C11orf65: variants seen among roughly 807,000 people sequenced by gnomAD.
The protein encoded by C11orf65 is protein MFI.
Under a neutral mutation model 35.3 loss-of-function variants are expected in C11orf65, and 38 were observed. That is an observed-to-expected ratio of 1.08 (90% CI 0.83 to 1.41). The LOEUF (loss-of-function observed/expected upper bound fraction) is 1.41, where lower values mean the gene tolerates loss of function less well. C11orf65 is among the 40% of genes most tolerant of loss of function. The pLI is 0.00. For synonymous variants in C11orf65, 105 were observed against 114.4 expected, an observed-to-expected ratio of 0.92 and a Z score of 0.53; for missense variants, 370 against 367.1, an observed-to-expected ratio of 1.01 and a Z score of -0.06.
chr11:108,392,056 T>TTG (rs146638284), intron 7 of C11orf65, among the ~76,000 whole-genome samples: 107 of 150,352 alleles, frequency 7.1e-4, no homozygotes, highest in East Asian at 1.8e-3. Flanking sequence ...ACTTGGCTTT[T>TTG]TGTGTGTGTG....
intron 2 of C11orf65, chr11:108,367,222 C>T (rs1239964128): frequency 1.1e-5 from 2 of 178,510 alleles, no homozygotes; most frequent in East Asian, 9.3e-5. Flanking sequence ...CGCTTGACCT[C>T]GTGATCCACC....
At chr11:108,398,079 A>G (rs2092360783) in intron 6 of C11orf65, among the ~76,000 whole-genome samples, 1 of 152,200 alleles carries the variant, frequency 6.6e-6, no homozygotes, top group Admixed American at 6.5e-5. Context: ...TGAGCACCCT[A>G]GGGAGAGGAA....
chr11:108,463,512 G>C (rs1349358830), intron 1 of C11orf65, among the ~76,000 whole-genome samples: 1 of 152,124 alleles, frequency 6.6e-6, no homozygotes, highest in Non-Finnish European at 1.5e-5. Flanking sequence ...GGAGGCATGG[G>C]AAGACAGGTT....
At chr11:108,379,812 C>T (rs1353657546), downstream of C11orf65, among the ~76,000 whole-genome samples, 1 of 151,992 alleles carries the variant, frequency 6.6e-6, no homozygotes, top group Non-Finnish European at 1.5e-5. Context: ...TCTTACTCCT[C>T]AAGCAGGACT....
At chr11:108,382,696 C>A (rs561374950), downstream of C11orf65, 12 of 822,874 alleles carry the variant, frequency 1.5e-5, no homozygotes, top group East Asian at 1.2e-3. Context: ...AGAGCTCTGC[C>A]TTCCATGAAT....
At chr11:108,419,347 G>C (rs188416541) in intron 3 of C11orf65, among the ~76,000 whole-genome samples, 13 of 152,216 alleles carry the variant, frequency 8.5e-5, no homozygotes, top group Non-Finnish European at 1.8e-4. Flanking sequence ...AAGAAAAATT[G>C]TATCTCAATT....
At chr11:108,335,233 T>A (rs1044437019) in exon 3 of C11orf65, 3 of 1,556,542 alleles carry the variant, frequency 1.9e-6, no homozygotes, top group Non-Finnish European at 2.6e-6. Flanking sequence ...TGAGGAAGAT[T>A]TGTAGAGTAG....
intron 3 of C11orf65, among the ~76,000 whole-genome samples, chr11:108,427,916 C>T (rs1338413603): frequency 3.9e-5 from 5 of 129,354 alleles, no homozygotes; most frequent in East Asian, 4.6e-4. Flanking sequence ...CTGCAAGCTC[C>T]GCCTCCCGGG....
At chr11:108,321,498 A>C in intron 6 of C11orf65, 1 of 1,597,816 alleles carries the variant, frequency 6.3e-7, no homozygotes. Flanking sequence ...AATAAAAACT[A>C]TAGGCCGGGC....
chr11:108,314,410 T>A (rs1439445078), intron 6 of C11orf65, among the ~76,000 whole-genome samples: 2 of 152,076 alleles, frequency 1.3e-5, no homozygotes, highest in Non-Finnish European at 2.9e-5. Flanking sequence ...CCAGCCCATG[T>A]ACAGTTTTAG....
At chr11:108,328,904 T>C (rs1011622110), downstream of C11orf65, 19 of 1,120,326 alleles carry the variant, frequency 1.7e-5, no homozygotes, top group Admixed American at 2.4e-4. Context: ...TCATATAATT[T>C]AGCTAGCTTT....
chr11:108,328,675 C>A (rs1257646639), downstream of C11orf65, among the ~76,000 whole-genome samples: 1 of 152,178 alleles, frequency 6.6e-6, no homozygotes, highest in Non-Finnish European at 1.5e-5. Context: ...TCAGGGCTGT[C>A]CAATCTTTTG....
intron 6 of C11orf65, among the ~76,000 whole-genome samples, chr11:108,395,150 A>AAGGT (rs1411640090): frequency 2.0e-5 from 3 of 146,666 alleles, no homozygotes; most frequent in African/African-American, 7.5e-5. Context: ...AAAAAAAATC[A>AAGGT]TAACACTACT....
At chr11:108,433,346 G>A (rs984276201) in intron 2 of C11orf65, among the ~76,000 whole-genome samples, 8 of 151,500 alleles carry the variant, frequency 5.3e-5, no homozygotes. Flanking sequence ...GGGAGGCCAA[G>A]GTGGGTGGGA....
At chr11:108,430,897 AACACACACACACACACACACACAC>A (rs10588668) in intron 3 of C11orf65, among the ~76,000 whole-genome samples, 3 of 143,912 alleles carry the variant, frequency 2.1e-5, no homozygotes, top group East Asian at 4.2e-4. Flanking sequence ...AAGGATAGGG[AACACACACACACACACACACACAC>A]ACACACACAC....
At chr11:108,381,235 ACT>A (rs945100874), downstream of C11orf65, among the ~76,000 whole-genome samples, 25 of 151,890 alleles carry the variant, frequency 1.6e-4, no homozygotes, top group Non-Finnish European at 5.9e-5. Flanking sequence ...TCTCACCACT[ACT>A]CTCAGTGATC....
At chr11:108,405,724 G>A (rs1328552956) in intron 5 of C11orf65, among the ~76,000 whole-genome samples, 165 bp from the exon 6 acceptor site, 1 of 152,204 alleles carries the variant, frequency 6.6e-6, no homozygotes, top group Non-Finnish European at 1.5e-5. Context: ...TGGGTGAGTA[G>A]TACACTCAGC....
At chr11:108,430,089 A>G (rs1420594912) in intron 3 of C11orf65, among the ~76,000 whole-genome samples, 2 of 151,254 alleles carry the variant, frequency 1.3e-5, no homozygotes, top group Non-Finnish European at 2.9e-5. Context: ...TGATGGTTAC[A>G]CACATTATAA....
intron 2 of C11orf65, among the ~76,000 whole-genome samples, chr11:108,358,011 C>A (rs887504647): frequency 7.6e-5 from 11 of 145,626 alleles, no homozygotes; most frequent in Admixed American, 1.4e-4. Context: ...TACGGGAGGA[C>A]ATTCAAACCA....
Sources: gnomAD v4.1 joint callset for allele counts (sites outside exome capture counted in the v4.1 genomes callset) on GRCh38, gnomAD v4.1.1 for gene constraint, MANE v1.5 for transcripts, NCBI Gene and HGNC (gene_info 2026-07-23, HGNC 2026-07-21) for gene names.